UPF3B: variants seen among roughly 807,000 people sequenced by gnomAD.
UPF3B encodes UPF3B regulator of nonsense mediated mRNA decay.
UPF3B carries 7 observed loss-of-function variants against 40.3 expected under a neutral mutation model. The ratio of observed to expected loss-of-function variants is 0.17; its 90% CI spans 0.10 to 0.33. The LOEUF (loss-of-function observed/expected upper bound fraction) is 0.33, where lower values mean the gene tolerates loss of function less well. Ranked by LOEUF, UPF3B falls within the 10% of genes least tolerant of loss-of-function variation. The pLI is 1.00. For missense variants in UPF3B, 229 were observed against 358.9 expected (o/e 0.64, Z 2.93); for synonymous variants, 117 against 117.3 (o/e 1.00, Z 0.01).
chrX:119,837,689 A>G, intron 10 of UPF3B, 68 bp downstream of exon 10: 1 of 1,107,239 alleles, frequency 9.0e-7, no homozygotes, highest in South Asian at 1.9e-5. Flanking sequence ...AGTGCCCTTT[A>G]CACTTTCTTT....
Position 119,852,794 on chromosome X carries a change from C to T in UPF3B, c.135G>A (p.Glu45=). The change falls in exon 1 of 11, where the codon GAG becomes GAA. Residue 45 remains glutamate (E), a synonymous_variant. Transcript: ENST00000276201. The part of the protein sequence containing the change: ...KGEDKQDRNK[E]KKEALSKVVI... ...GCACCTTGCTCAGCGCTTCTTTCTT[C>T]TCCTTGTTGCGATCCTGCTTATCTT... 8.2e-7 allele frequency: 1 copy of T among 1,212,487 alleles called. No homozygotes were observed. The highest frequency in any genetic ancestry group is 1.1e-6 in the Non-Finnish European group (1 of 895,691).
At chrX:119,812,263 G>A (rs2496195) in intron 5 of UPF3B, among the ~76,000 whole-genome samples, 5,557 of 108,897 alleles carry the variant, frequency 0.051, 342 homozygotes, top group African/African-American at 0.17. Context: ...AAAAAAAAAA[G>A]AAAAAAATCC....
chrX:119,805,729 A>G (rs1398561324), intron 6 of UPF3B, among the ~76,000 whole-genome samples: 1 of 109,346 alleles, frequency 9.1e-6, no homozygotes, highest in East Asian at 2.8e-4. Flanking sequence ...AACACATGAA[A>G]AAATGCTCAT....
chrX:119,833,442 T>C (rs189932103), downstream of UPF3B, among the ~76,000 whole-genome samples: 728 of 111,645 alleles, frequency 6.5e-3, 8 homozygotes, highest in African/African-American at 0.023. Context: ...CAGACTGAAG[T>C]GATCCTCCAG....
intron 5 of UPF3B, among the ~76,000 whole-genome samples, chrX:119,812,371 C>G (rs763743373): frequency 9.0e-6 from 1 of 111,713 alleles, no homozygotes; most frequent in Non-Finnish European, 1.9e-5. Context: ...ACTAAGGGTC[C>G]AGAAACTTTT....
At chrX:119,850,281 G>A (rs1329742620) in intron 3 of UPF3B, among the ~76,000 whole-genome samples, 1 of 111,798 alleles carries the variant, frequency 8.9e-6, no homozygotes, top group African/African-American at 3.3e-5. Context: ...CCTGGGTGGA[G>A]ACCCTATCTC....
At chrX:119,843,411 G>T in intron 4 of UPF3B, 110 bp from the exon 5 acceptor site, 1 of 586,835 alleles carries the variant, frequency 1.7e-6, no homozygotes, top group Non-Finnish European at 2.7e-6. Flanking sequence ...CTTCGTGGAA[G>T]ATTAAAAAAA....
At chrX:119,843,735 T>C in intron 4 of UPF3B, among the ~76,000 whole-genome samples, 1 of 112,487 alleles carries the variant, frequency 8.9e-6, no homozygotes, top group Non-Finnish European at 1.9e-5. Context: ...ATCTAAGCCA[T>C]TATATTGCTT....
At chrX:119,843,023 T>A (rs1046004403) in intron 5 of UPF3B, among the ~76,000 whole-genome samples, 168 bp downstream of exon 5, 48 of 112,042 alleles carry the variant, frequency 4.3e-4, no homozygotes, top group Non-Finnish European at 5.1e-4. Flanking sequence ...CCCACTTTAA[T>A]GGATTCTCAT....
At chrX:119,810,414 C>T (rs1227403371) in intron 5 of UPF3B, among the ~76,000 whole-genome samples, 1 of 112,044 alleles carries the variant, frequency 8.9e-6, no homozygotes, top group Non-Finnish European at 1.9e-5. Context: ...GGCTTTCCAA[C>T]TATGGAGACA....
chrX:119,847,532 G>A (rs2056249940), intron 3 of UPF3B, among the ~76,000 whole-genome samples: 1 of 111,263 alleles, frequency 9.0e-6, no homozygotes, highest in South Asian at 3.8e-4. Context: ...TTGAGAGGCC[G>A]AGGTGGGCGC....
rs759453199 is a variant in UPF3B, at chrX:119,841,145, A to C, written c.738T>G (p.Asp246Glu). 8.4e-7 allele frequency: 1 copy of C among 1,196,707 alleles called. No individual in the cohort carries two copies. The highest frequency in any genetic ancestry group is 1.1e-6 in the Non-Finnish European group (1 of 884,912). Reference sequence around the variant, plus strand: ...TGTCTATCTTCTTTAGCTTTTCTATATCTTTCCTTTTTCGTTTCTCTTCTT... The same window carrying C: ...TGTCTATCTTCTTTAGCTTTTCTATCTCTTTCCTTTTTCGTTTCTCTTCTT... ...WKEEEKRKRKDIEKLKKIDRI... is the reference protein window; with the variant it reads ...WKEEEKRKRKEIEKLKKIDRI... Residue 246 changes from aspartate (D) to glutamate (E), a missense_variant, in exon 7 of 11, where the codon GAT becomes GAG. By Grantham distance (45) the Asp-to-Glu change is conservative. This residue lies in a region of UPF3B where 87 missense variants were observed against 184.2 expected (regional missense o/e 0.47). Transcript: ENST00000276201.
chrX:119,815,022 C>T (rs1026189934), intron 5 of UPF3B, among the ~76,000 whole-genome samples: 16 of 109,389 alleles, frequency 1.5e-4, no homozygotes, highest in East Asian at 5.7e-4. Context: ...CCTGGCACCA[C>T]GCCTGGCTAG....
At chrX:119,818,505 G>C (rs1168853887) in intron 4 of UPF3B, among the ~76,000 whole-genome samples, 1 of 111,467 alleles carries the variant, frequency 9.0e-6, no homozygotes, top group Non-Finnish European at 1.9e-5. Context: ...CATTGAACCC[G>C]GGAGGCAGAG....
At chrX:119,816,618 A>G (rs146092823) in intron 4 of UPF3B, among the ~76,000 whole-genome samples, 35 of 111,377 alleles carry the variant, frequency 3.1e-4, no homozygotes, top group African/African-American at 1.1e-3. Flanking sequence ...AGGCTAGACA[A>G]AGAGGCAAGG....
chrX:119,845,369 A>G (rs2056214954), intron 3 of UPF3B, 73 bp from the exon 4 acceptor site: 1 of 865,594 alleles, frequency 1.2e-6, no homozygotes. Flanking sequence ...GAATCAACCC[A>G]TTGCTTTCTA....
intron 5 of UPF3B, among the ~76,000 whole-genome samples, chrX:119,812,453 C>T (rs973168814): frequency 3.6e-5 from 4 of 111,146 alleles, no homozygotes; most frequent in African/African-American, 1.3e-4. Flanking sequence ...GCTTCCCTGC[C>T]CCATAATTCT....
rs775697328 is a variant in UPF3B at position 119,835,019 on chromosome X, T to C, written c.1311A>G (p.Pro437=). ...KRDRIRNKDR[P]AMQLYQPGAR... The stretch of plus-strand genomic sequence containing the variant: ...CTCCTGGTTGGTAAAGCTGCATCGC[T>C]GGACGATCCTGAAGTACAATAAAAT... Residue 437 remains proline, a synonymous_variant, in exon 11 of 11, where the codon CCA becomes CCG. Coordinates refer to ENST00000276201, the MANE Select transcript of UPF3B (RefSeq NM_080632.3). 1 of 1,210,709 alleles carries C rather than the reference T, an allele frequency of 8.3e-7. No homozygotes were observed. Among genetic ancestry groups the C allele is most frequent in the Non-Finnish European group, 1.1e-6 (1 of 894,695 alleles).
rs548552288 is a variant in UPF3B at position 119,848,330 on chromosome X, G to A, written c.371-3034C>T. ...AGATGAAAATTCTGACACATGCTAC[G>A]ACATGGATACACCTTGAAGATATTA... On this transcript the variant is annotated intron_variant, in intron 3 of 10. Coordinates refer to ENST00000276201, the MANE Select transcript of UPF3B (RefSeq NM_080632.3). Among the ~76,000 whole-genome samples, 680 of 100,845 alleles carry A rather than the reference G, an allele frequency of 6.7e-3. 3 individuals are homozygous for A. Among genetic ancestry groups the A allele is most frequent in the African/African-American group, 0.023 (632 of 26,982 alleles). 87.6% of individuals were successfully genotyped at this position (100,845 alleles called of 115,157 possible).
Sources: allele counts gnomAD v4.1 joint callset (sites outside exome capture counted in the v4.1 genomes callset), GRCh38; gene constraint gnomAD v4.1.1; regional missense constraint gnomAD v4.1.1; transcripts MANE v1.5; gene names NCBI Gene and HGNC (gene_info 2026-07-23, HGNC 2026-07-21).